Variants in MDGA2 observed in about 807,000 individuals in gnomAD.
MDGA2 encodes the protein MAM domain-containing glycosylphosphatidylinositol anchor protein 2.
MDGA2 carries 40 observed loss-of-function variants against 117.8 expected under a neutral mutation model. The observed-to-expected ratio is 0.34, with a 90% CI of 0.26 to 0.44. The LOEUF (loss-of-function observed/expected upper bound fraction) is 0.44, where lower values mean the gene tolerates loss of function less well. MDGA2 is among the 20% of genes least tolerant of loss of function. The probability of loss-of-function intolerance (pLI) is 1.00; values close to 1 mark genes in which losing one functional copy is unlikely to be tolerated. For missense variants in MDGA2, 1,123 were observed against 1,250.6 expected (o/e 0.90, Z 1.54); for synonymous variants, 452 against 439.0 (o/e 1.03, Z -0.37).
chr14:47,017,946 T>G (rs542218268), intron 8 of MDGA2, among the ~76,000 whole-genome samples: 1 of 152,254 alleles, frequency 6.6e-6, no homozygotes, highest in Non-Finnish European at 1.5e-5. Flanking sequence ...TTCTGGTATT[T>G]ATTGCTCTCT....
chr14:47,533,002 C>T (rs1192811640), intron 1 of MDGA2, among the ~76,000 whole-genome samples: 1 of 152,208 alleles, frequency 6.6e-6, no homozygotes, highest in Non-Finnish European at 1.5e-5. Flanking sequence ...TCTCCAATCC[C>T]CATATTACAG....
intron 1 of MDGA2, among the ~76,000 whole-genome samples, chr14:47,347,258 T>C (rs1890780932): frequency 1.3e-5 from 2 of 152,258 alleles, no homozygotes; most frequent in South Asian, 2.1e-4. Context: ...ACGGTTTCAA[T>C]AGGGAAGAAC....
At chr14:46,918,565 A>T (rs1389076540) in intron 10 of MDGA2, among the ~76,000 whole-genome samples, 1 of 152,184 alleles carries the variant, frequency 6.6e-6, no homozygotes, top group Non-Finnish European at 1.5e-5. Flanking sequence ...ATTTACCTAC[A>T]GTCCTTTTTC....
chr14:47,366,950 TA>T (rs1891244865), intron 1 of MDGA2, among the ~76,000 whole-genome samples: 1 of 148,524 alleles, frequency 6.7e-6, no homozygotes, highest in African/African-American at 2.5e-5. Flanking sequence ...ATAGAATTTG[TA>T]TGTGAAAATA....
chr14:47,593,275 T>G (rs1329986229), intron 1 of MDGA2, among the ~76,000 whole-genome samples: 1 of 152,176 alleles, frequency 6.6e-6, no homozygotes, highest in African/African-American at 2.4e-5. Flanking sequence ...GCTTTTACAC[T>G]GTTGGTGGGA....
intron 1 of MDGA2, among the ~76,000 whole-genome samples, chr14:47,320,207 C>A (rs1375398801): frequency 2.0e-5 from 3 of 152,088 alleles, no homozygotes; most frequent in Non-Finnish European, 2.9e-5. Flanking sequence ...GCTGCCCTAG[C>A]AAACAAATAC....
At chr14:47,113,826 A>G (rs1445675663) in intron 5 of MDGA2, among the ~76,000 whole-genome samples, 1 of 152,218 alleles carries the variant, frequency 6.6e-6, no homozygotes, top group Admixed American at 6.5e-5. Context: ...AGCTGGAAGC[A>G]TTCCCCTTGA....
intron 1 of MDGA2, among the ~76,000 whole-genome samples, chr14:47,551,082 A>G (rs1025678743): frequency 5.3e-5 from 8 of 152,334 alleles, no homozygotes; most frequent in Middle Eastern, 3.4e-3. Flanking sequence ...AATGAGAAAG[A>G]TATGTGTAAT....
chr14:46,869,530 G>C (rs1231874259), intron 14 of MDGA2, among the ~76,000 whole-genome samples: 1 of 151,590 alleles, frequency 6.6e-6, no homozygotes, highest in Non-Finnish European at 1.5e-5. Flanking sequence ...GTTTTCATTT[G>C]GAAACATGTT....
At chr14:47,542,990 G>C (rs941884581) in intron 1 of MDGA2, among the ~76,000 whole-genome samples, 3 of 152,136 alleles carry the variant, frequency 2.0e-5, no homozygotes, top group African/African-American at 7.2e-5. Context: ...TAGGCAAATT[G>C]CTTGAGCCCA....
chr14:47,254,918 G>A (rs562358994), intron 2 of MDGA2, among the ~76,000 whole-genome samples: 25 of 152,312 alleles, frequency 1.6e-4, no homozygotes, highest in African/African-American at 6.0e-4. Context: ...AGAGAAGAAT[G>A]AGAGCTGAAC....
intron 1 of MDGA2, among the ~76,000 whole-genome samples, chr14:47,573,975 A>G (rs917373912): frequency 1.3e-5 from 2 of 152,198 alleles, no homozygotes; most frequent in African/African-American, 4.8e-5. Flanking sequence ...TTGAATCAAA[A>G]TGAACATTTT....
intron 9 of MDGA2, among the ~76,000 whole-genome samples, chr14:46,949,218 G>A (rs1325793002): frequency 6.6e-6 from 1 of 151,970 alleles, no homozygotes; most frequent in Non-Finnish European, 1.5e-5. Flanking sequence ...TTCCATTCAT[G>A]GGAGAACTTT....
intron 1 of MDGA2, among the ~76,000 whole-genome samples, chr14:47,324,723 A>C (rs1890091034): frequency 6.6e-6 from 1 of 152,156 alleles, no homozygotes; most frequent in Non-Finnish European, 1.5e-5. Flanking sequence ...TCTTTTATAA[A>C]TGGTTTTAAA....
At chr14:47,499,872 T>C (rs753233194) in intron 1 of MDGA2, among the ~76,000 whole-genome samples, 1 of 152,144 alleles carries the variant, frequency 6.6e-6, no homozygotes, top group Non-Finnish European at 1.5e-5. Flanking sequence ...CATTCTCTCA[T>C]TTTGTGTCCA....
At chr14:47,295,684 A>C (rs1374148284) in intron 2 of MDGA2, among the ~76,000 whole-genome samples, 1 of 152,050 alleles carries the variant, frequency 6.6e-6, no homozygotes. Flanking sequence ...TGGGCGAATC[A>C]CCCGAGGTCA....
intron 1 of MDGA2, among the ~76,000 whole-genome samples, chr14:47,599,668 T>C (rs1253545864): frequency 2.0e-5 from 3 of 152,138 alleles, no homozygotes; most frequent in Non-Finnish European, 4.4e-5. Context: ...GAATAGATTT[T>C]TAAAAATAAG....
chr14:47,386,500 T>C (rs1478650670), intron 1 of MDGA2, among the ~76,000 whole-genome samples: 1 of 152,078 alleles, frequency 6.6e-6, no homozygotes, highest in Non-Finnish European at 1.5e-5. Context: ...AGAAGAAATG[T>C]TAACAAAAGT....
chr14:47,343,386 T>A, intron 1 of MDGA2: 1 of 394,094 alleles, frequency 2.5e-6, no homozygotes, highest in African/African-American at 2.2e-5. Context: ...AAGCCTAACT[T>A]TGAACCAAAC....
Sources: allele counts gnomAD v4.1 joint callset (sites outside exome capture counted in the v4.1 genomes callset), GRCh38; gene constraint gnomAD v4.1.1; transcripts MANE v1.5; gene names NCBI Gene and HGNC (gene_info 2026-07-23, HGNC 2026-07-21).